Variants in CNTNAP2 observed in about 807,000 individuals in gnomAD.
CNTNAP2 encodes contactin-associated protein-like 2.
CNTNAP2 carries 98 observed loss-of-function variants against 155.2 expected under a neutral mutation model. That is an observed-to-expected ratio of 0.63 (90% CI 0.54 to 0.75). The LOEUF (loss-of-function observed/expected upper bound fraction) is 0.75. CNTNAP2 is among the 30% of genes least tolerant of loss of function. The pLI is 0.00. For synonymous variants in CNTNAP2, 651 were observed against 631.2 expected (o/e 1.03, Z -0.47); for missense variants, 1,727 against 1,688.1 (o/e 1.02, Z -0.40).
chr7:146,591,328 C>T (rs1798779295), intron 1 of CNTNAP2, among the ~76,000 whole-genome samples: 1 of 144,726 alleles, frequency 6.9e-6, no homozygotes, highest in Non-Finnish European at 1.5e-5. Context: ...ACAATGAGGC[C>T]TTAACCACAG....
At chr7:147,444,615 A>C (rs1392027458) in intron 10 of CNTNAP2, among the ~76,000 whole-genome samples, 1 of 150,876 alleles carries the variant, frequency 6.6e-6, no homozygotes, top group Non-Finnish European at 1.5e-5. Context: ...GGTTGTTGGA[A>C]TTACAGGTTC....
At chr7:146,812,445 A>ATATATATATATAT (rs1386547927) in intron 2 of CNTNAP2, among the ~76,000 whole-genome samples, 73 of 144,566 alleles carry the variant, frequency 5.0e-4, no homozygotes, top group African/African-American at 1.8e-3. Context: ...ATATATAAAA[A>ATATATATATATAT]ATATATATAT....
At chr7:147,580,481 AT>A (rs776114340) in intron 12 of CNTNAP2, among the ~76,000 whole-genome samples, 2 of 152,064 alleles carry the variant, frequency 1.3e-5, no homozygotes, top group Admixed American at 1.3e-4. Context: ...AAATGCTGAA[AT>A]TTTTTTTAAT....
At chr7:147,360,576 T>C (rs1208190585) in intron 9 of CNTNAP2, among the ~76,000 whole-genome samples, 1 of 152,180 alleles carries the variant, frequency 6.6e-6, no homozygotes, top group Non-Finnish European at 1.5e-5. Flanking sequence ...TTCATGGTGC[T>C]TTTTTCACTC....
chr7:148,409,552 A>G (rs1799779505), intron 23 of CNTNAP2, 81 bp downstream of exon 23: 1 of 1,265,596 alleles, frequency 7.9e-7, no homozygotes, highest in South Asian at 1.2e-5. Context: ...GTAGTCTAGG[A>G]AAAAAAGTTT....
chr7:146,976,794 C>T (rs1002749279), intron 3 of CNTNAP2, among the ~76,000 whole-genome samples: 6 of 152,100 alleles, frequency 3.9e-5, no homozygotes, highest in Non-Finnish European at 8.8e-5. Flanking sequence ...GACTGGGTAG[C>T]GAAACCCGGC....
chr7:147,246,730 C>T lies in CNTNAP2; in HGVS notation c.1349-53411C>T, dbSNP rs541654442. Among the ~76,000 whole-genome samples, 3 of 152,272 alleles carry T rather than the reference C, an allele frequency of 2.0e-5. No homozygotes were observed. In the South Asian group the frequency reaches 6.2e-4, roughly 32 times the overall value. ...GATTTGCTTTACTAAAAATCAGCAA[C>T]TTAAATGTAAATCTCATCCTAAAAT... is the stretch of plus-strand genomic sequence containing the variant. On this transcript the variant is annotated intron_variant, in intron 8 of 23. Coordinates refer to ENST00000361727, the MANE Select transcript of CNTNAP2 (RefSeq NM_014141.6).
chr7:147,345,413 T>C (rs1295003732), intron 9 of CNTNAP2, among the ~76,000 whole-genome samples: 2 of 152,316 alleles, frequency 1.3e-5, no homozygotes, highest in East Asian at 1.9e-4. Context: ...TAGGTAATTA[T>C]AAAATGAATG....
intron 1 of CNTNAP2, among the ~76,000 whole-genome samples, chr7:146,277,723 G>T (rs1041489347): frequency 2.6e-5 from 4 of 152,126 alleles, no homozygotes; most frequent in Non-Finnish European, 4.4e-5. Flanking sequence ...ATAGAAAATT[G>T]CAATATAAAA....
At chr7:147,178,508 G>C (rs73740590) in intron 8 of CNTNAP2, among the ~76,000 whole-genome samples, 1,682 of 152,282 alleles carry the variant, frequency 0.011, 29 homozygotes, top group African/African-American at 0.039. Flanking sequence ...AATGTGTGTT[G>C]TTTTAAGCCA....
At chr7:147,057,929 A>G (rs779113584) in intron 4 of CNTNAP2, among the ~76,000 whole-genome samples, 9 of 152,170 alleles carry the variant, frequency 5.9e-5, no homozygotes, top group Non-Finnish European at 8.8e-5. Flanking sequence ...TAGATCTCCT[A>G]TATATGTACT....
At chr7:146,405,113 C>T (rs574797858) in intron 1 of CNTNAP2, among the ~76,000 whole-genome samples, 26 of 152,184 alleles carry the variant, frequency 1.7e-4, no homozygotes, top group Non-Finnish European at 2.6e-4. Flanking sequence ...ATCTGGTGCA[C>T]GAAGCTGACA....
chr7:147,532,715 G>A (rs1799464079), intron 11 of CNTNAP2, among the ~76,000 whole-genome samples: 1 of 152,200 alleles, frequency 6.6e-6, no homozygotes, highest in Non-Finnish European at 1.5e-5. Flanking sequence ...AATCATGGTG[G>A]AAGGTGAAAG....
chr7:148,156,641 C>T (rs1450217495), intron 17 of CNTNAP2, among the ~76,000 whole-genome samples: 1 of 152,156 alleles, frequency 6.6e-6, no homozygotes, highest in African/African-American at 2.4e-5. Context: ...CTCTCAGGAA[C>T]TCTAGATCCA....
At chr7:146,789,107 A>G (rs923711826) in intron 2 of CNTNAP2, among the ~76,000 whole-genome samples, 1 of 152,216 alleles carries the variant, frequency 6.6e-6, no homozygotes, top group African/African-American at 2.4e-5. Context: ...TACAAAACTC[A>G]GTTTGATGAA....
chr7:147,041,189 T>C (rs1799252877), intron 3 of CNTNAP2, among the ~76,000 whole-genome samples: 1 of 152,156 alleles, frequency 6.6e-6, no homozygotes, highest in Non-Finnish European at 1.5e-5. Flanking sequence ...TGTTAAAAGA[T>C]TTATGATTTT....
chr7:147,179,038 G>A (rs1468699222), intron 8 of CNTNAP2, among the ~76,000 whole-genome samples: 1 of 152,128 alleles, frequency 6.6e-6, no homozygotes, highest in African/African-American at 2.4e-5. Context: ...CTGCAGTGCT[G>A]TGGCCTTGTG....
chr7:147,464,073 T>C (rs1384202617), intron 10 of CNTNAP2, among the ~76,000 whole-genome samples: 2 of 152,166 alleles, frequency 1.3e-5, no homozygotes, highest in Non-Finnish European at 2.9e-5. Flanking sequence ...GTTTGTTTAT[T>C]GGTGAATAAG....
At chr7:147,254,248 G>A (rs1041648833) in intron 8 of CNTNAP2, among the ~76,000 whole-genome samples, 5 of 152,044 alleles carry the variant, frequency 3.3e-5, no homozygotes, top group Non-Finnish European at 5.9e-5. Flanking sequence ...ATTCTTGCTC[G>A]CCTTTTCCTT....
Sources: gnomAD v4.1 joint callset for allele counts (sites outside exome capture counted in the v4.1 genomes callset) on GRCh38, gnomAD v4.1.1 for gene constraint, MANE v1.5 for transcripts, NCBI Gene and HGNC (gene_info 2026-07-23, HGNC 2026-07-21) for gene names.